PPP2R2D: variants seen among roughly 807,000 people sequenced by gnomAD.
PPP2R2D encodes the protein protein phosphatase 2 regulatory subunit Bdelta, also known as serine/threonine-protein phosphatase 2A 55 kDa regulatory subunit B delta isoform.
PPP2R2D carries 9 observed loss-of-function variants against 31.1 expected under a neutral mutation model. That is an observed-to-expected ratio of 0.29 (90% CI 0.17 to 0.51). PPP2R2D has a LOEUF of 0.51. Ranked by LOEUF, PPP2R2D falls within the 20% of genes least tolerant of loss-of-function variation. The pLI is 0.98. For synonymous variants in PPP2R2D, 179 were observed against 172.6 expected (o/e 1.04, Z -0.29); for missense variants, 391 against 465.6 (o/e 0.84, Z 1.48).
In PPP2R2D at chr10:131,952,129, G is replaced by A. The variant is rs1227530538; in HGVS notation, c.1083-3555G>A. Among the ~76,000 whole-genome samples, 6 of 130,326 alleles carry A rather than the reference G, an allele frequency of 4.6e-5. 1 individual carries two copies. The Admixed American group carries it at 4.7e-4, about 10-fold the overall frequency. 85.5% of individuals were successfully genotyped at this position (130,326 alleles called of 152,430 possible). On this transcript the variant is annotated intron_variant, in intron 8 of 8. Transcript: ENST00000455566. ...GTTCGCTGTCTTAGCAGTGACTTGC[G>A]GGTGTGCGGGGGGGTTCACTGTCTT...
intron 2 of PPP2R2D, among the ~76,000 whole-genome samples, chr10:131,915,942 A>G (rs1383132096): frequency 1.3e-5 from 2 of 152,256 alleles, no homozygotes; most frequent in African/African-American, 2.4e-5. Context: ...TACTTTAACC[A>G]TTCTCAATTT....
At chr10:131,954,793 G>A (rs374237926) in intron 8 of PPP2R2D, among the ~76,000 whole-genome samples, 184 of 152,328 alleles carry the variant, frequency 1.2e-3, no homozygotes, top group African/African-American at 3.9e-3. Flanking sequence ...CTCTCACCGC[G>A]CATGACCATG....
chr10:131,934,665 A>T (rs2036306462), intron 3 of PPP2R2D, 110 bp downstream of exon 3: 2 of 695,902 alleles, frequency 2.9e-6, no homozygotes, highest in South Asian at 1.6e-5. Context: ...ATTAAGATTC[A>T]GTTCCATCAC....
the PPP2R2D span, chr10:131,971,027 C>T: frequency 6.7e-7 from 1 of 1,496,876 alleles, no homozygotes; most frequent in Admixed American, 1.7e-5. Flanking sequence ...CACGGGAAAG[C>T]ACCCAGCTCC....
chr10:131,953,502 C>CT (rs1201668083), intron 8 of PPP2R2D, among the ~76,000 whole-genome samples: 2 of 118,168 alleles, frequency 1.7e-5, no homozygotes, highest in African/African-American at 3.4e-5. Flanking sequence ...GGGGGGTTCA[C>CT]TTAGTGACTT....
intron 2 of PPP2R2D, among the ~76,000 whole-genome samples, chr10:131,916,388 G>A (rs1441433267): frequency 6.6e-6 from 1 of 151,310 alleles, no homozygotes; most frequent in African/African-American, 2.4e-5. Context: ...AATATACATG[G>A]CATAATATTT....
At chr10:131,954,628 G>A (rs1318738927) in intron 8 of PPP2R2D, among the ~76,000 whole-genome samples, 2 of 146,514 alleles carry the variant, frequency 1.4e-5, no homozygotes, top group Admixed American at 6.8e-5. Context: ...CTCTGAGTTC[G>A]TCTTTTTTTT....
chr10:131,922,301 T>C (rs1332936064), intron 2 of PPP2R2D, among the ~76,000 whole-genome samples: 3 of 152,220 alleles, frequency 2.0e-5, no homozygotes, highest in Non-Finnish European at 4.4e-5. Context: ...GATGTATTCT[T>C]GAGAAATAAA....
intron 2 of PPP2R2D, among the ~76,000 whole-genome samples, chr10:131,933,502 C>A (rs879977189): frequency 1.3e-5 from 2 of 152,268 alleles, no homozygotes; most frequent in African/African-American, 4.8e-5. Context: ...GAGACTCCCC[C>A]ACACTGCAGG....
chr10:131,910,168 C>T (rs1406245567), intron 2 of PPP2R2D, among the ~76,000 whole-genome samples: 1 of 152,154 alleles, frequency 6.6e-6, no homozygotes, highest in Non-Finnish European at 1.5e-5. Context: ...GAGTCAGTGA[C>T]GTTTCTGTAC....
intron 2 of PPP2R2D, among the ~76,000 whole-genome samples, chr10:131,931,618 G>T (rs528854845): frequency 1.3e-4 from 20 of 152,226 alleles, no homozygotes; most frequent in Non-Finnish European, 2.6e-4. Flanking sequence ...AAAGTGCTGG[G>T]ATTACAGGCA....
intron 6 of PPP2R2D, among the ~76,000 whole-genome samples, 161 bp downstream of exon 6, chr10:131,944,306 T>C (rs564998222): frequency 1.3e-5 from 2 of 152,348 alleles, no homozygotes; most frequent in African/African-American, 4.8e-5. Context: ...GAAATGTTTG[T>C]CCCTAAAAAT....
At chr10:131,903,241 C>CTTTG (rs2035529920) in intron 2 of PPP2R2D, among the ~76,000 whole-genome samples, 1 of 151,866 alleles carries the variant, frequency 6.6e-6, no homozygotes, top group African/African-American at 2.4e-5. Context: ...CCAAGGTGGA[C>CTTTG]AGATCACTTG....
intron 2 of PPP2R2D, among the ~76,000 whole-genome samples, chr10:131,933,918 T>C (rs2036290040): frequency 6.6e-6 from 1 of 152,092 alleles, no homozygotes; most frequent in African/African-American, 2.4e-5. Context: ...AATGATGTCA[T>C]CATTATCAGT....
rs144024433 is a variant in PPP2R2D, at chr10:131,951,281, C to T, written c.1082+3490C>T. Among the ~76,000 whole-genome samples the T allele has an allele frequency of 1.4e-4, 22 of 152,312 alleles. No homozygotes were observed. The East Asian group carries it at 2.9e-3, about 20-fold the overall frequency. ...CTTCTTGCATGTTCAGACAAGAAAA[C>T]GTGCTCAGATACCTGAAATAGCAAA... On this transcript the variant is annotated intron_variant, in intron 8 of 8. Coordinates refer to ENST00000455566, the MANE Select transcript of PPP2R2D (RefSeq NM_018461.5).
intron 2 of PPP2R2D, 152 bp from the exon 3 acceptor site, chr10:131,934,306 G>C (rs891648345): frequency 8.7e-6 from 5 of 575,618 alleles, no homozygotes; most frequent in Admixed American, 3.3e-5. Flanking sequence ...GTGGCCACTT[G>C]GTAATTACAA....
chr10:131,935,946 C>T (rs2036331623), intron 3 of PPP2R2D, among the ~76,000 whole-genome samples: 2 of 151,858 alleles, frequency 1.3e-5, no homozygotes, highest in African/African-American at 4.8e-5. Context: ...GCCTGTAATC[C>T]CAGCTACTTG....
intron 3 of PPP2R2D, chr10:131,935,057 A>G (rs1379629985): frequency 2.3e-6 from 1 of 439,176 alleles, no homozygotes; most frequent in African/African-American, 2.0e-5. Context: ...ACCTGTCTGG[A>G]GGGAAGGGAA....
intron 2 of PPP2R2D, among the ~76,000 whole-genome samples, chr10:131,909,788 G>A (rs1223547897): frequency 2.0e-5 from 3 of 152,200 alleles, no homozygotes; most frequent in Admixed American, 2.0e-4. Flanking sequence ...GGTTATCGCT[G>A]TTGATGTTTT....
Sources: allele counts gnomAD v4.1 joint callset (sites outside exome capture counted in the v4.1 genomes callset), GRCh38; gene constraint gnomAD v4.1.1; transcripts MANE v1.5; gene names NCBI Gene and HGNC (gene_info 2026-07-23, HGNC 2026-07-21).